PCDH15: variants seen among roughly 807,000 people sequenced by gnomAD.
PCDH15 encodes the protein protocadherin related 15.
In PCDH15, 129 loss-of-function variants were observed where a neutral mutation model predicts 178.5. The ratio of observed to expected loss-of-function variants is 0.72; its 90% CI spans 0.63 to 0.84. The LOEUF (loss-of-function observed/expected upper bound fraction) is 0.84. PCDH15 is among the 40% of genes least tolerant of loss of function. The pLI, the probability that PCDH15 is intolerant of heterozygous loss-of-function variation, is 0.00. For synonymous variants in PCDH15, 800 were observed against 732.0 expected (o/e 1.09, Z -1.50); for missense variants, 2,230 against 2,099.9 (o/e 1.06, Z -1.21).
chr10:54,142,616 G>C (rs9651346), intron 14 of PCDH15, among the ~76,000 whole-genome samples: 2,348 of 152,122 alleles, frequency 0.015, 76 homozygotes, highest in African/African-American at 0.054. Context: ...GGGTTTTCTT[G>C]GTGCATTGAT....
rs189544054 is a variant in PCDH15 at position 54,837,943 on chromosome 10, G to A, written c.-29+59507C>T. Among the ~76,000 whole-genome samples the A allele has an allele frequency of 6.3e-4, 96 of 152,180 alleles. 1 individual carries two copies. The highest frequency in any genetic ancestry group is 1.1e-3 in the Non-Finnish European group (77 of 67,984). On this transcript the variant is annotated intron_variant, in intron 3 of 5. Coordinates refer to the PCDH15 transcript ENST00000458638. ...ACTTACACACATGCTCTGGGAAACCGTCGTGTTAAACTCAGCCCTGGCTCC... is the reference window on the plus strand; with the variant it reads ...ACTTACACACATGCTCTGGGAAACCATCGTGTTAAACTCAGCCCTGGCTCC...
chr10:54,453,759 C>T (rs1313663814), intron 3 of PCDH15, among the ~76,000 whole-genome samples: 1 of 151,806 alleles, frequency 6.6e-6, no homozygotes, highest in African/African-American at 2.4e-5. Context: ...AGGAAGAAAG[C>T]AGCTACAAAC....
chr10:54,312,691 AG>A lies in PCDH15; in HGVS notation c.876+4579del, dbSNP rs559140119. ...AGCCAACAGCCAAAATCAACTTGGT[AG>A]CCATCTAAGTTAATCATTATGAAAG... is the stretch of plus-strand genomic sequence containing the variant. On this transcript the variant is annotated intron_variant, in intron 8 of 37. Coordinates refer to ENST00000644397, the MANE Select transcript of PCDH15 (RefSeq NM_001384140.1). 1.5e-3 allele frequency among the ~76,000 whole-genome samples: 223 copies of A among 152,240 alleles called. 1 individual carries two copies. Among genetic ancestry groups the A allele is most frequent in the African/African-American group, 5.2e-3 (217 of 41,568 alleles).
intron 3 of PCDH15, among the ~76,000 whole-genome samples, chr10:54,415,297 A>G (rs1483177031): frequency 6.6e-6 from 1 of 152,054 alleles, no homozygotes; most frequent in Non-Finnish European, 1.5e-5. Context: ...AAAGGTTAGT[A>G]TTACTATGAA....
intron 2 of PCDH15, among the ~76,000 whole-genome samples, chr10:54,549,983 A>AT (rs1183713774): frequency 6.6e-6 from 1 of 151,966 alleles, no homozygotes; most frequent in Non-Finnish European, 1.5e-5. Context: ...CAGGCACCAG[A>AT]TTTTATCTCC....
intron 2 of PCDH15, among the ~76,000 whole-genome samples, chr10:55,507,729 A>G (rs954752377): frequency 6.7e-6 from 1 of 149,880 alleles, no homozygotes; most frequent in African/African-American, 2.4e-5. Flanking sequence ...ATAATTTGAC[A>G]TCTTAATAAC....
chr10:54,932,788 C>A (rs7902014), intron 2 of PCDH15, among the ~76,000 whole-genome samples: 1 of 152,050 alleles, frequency 6.6e-6, no homozygotes, highest in African/African-American at 2.4e-5. Flanking sequence ...CCACCCGCCT[C>A]GGCCTCCTAA....
chr10:54,354,365 T>C (rs1348207867), intron 5 of PCDH15, among the ~76,000 whole-genome samples: 1 of 152,210 alleles, frequency 6.6e-6, no homozygotes, highest in Admixed American at 6.5e-5. Flanking sequence ...ACGTACATGC[T>C]TAAAGTAAAA....
At chr10:55,447,876 T>C (rs758604637) in intron 2 of PCDH15, among the ~76,000 whole-genome samples, 1 of 151,934 alleles carries the variant, frequency 6.6e-6, no homozygotes, top group Non-Finnish European at 1.5e-5. Flanking sequence ...GTAAGGAGTC[T>C]AAATCCTTGT....
chr10:54,627,696 T>C (rs1054512044), intron 2 of PCDH15, among the ~76,000 whole-genome samples: 26 of 152,280 alleles, frequency 1.7e-4, no homozygotes, highest in Admixed American at 1.1e-3. Context: ...ATTTTAGCAA[T>C]GTTGATGTTT....
chr10:55,347,654 T>C (rs544937882), intron 2 of PCDH15, among the ~76,000 whole-genome samples: 157 of 152,296 alleles, frequency 1.0e-3, no homozygotes, highest in African/African-American at 3.7e-3. Flanking sequence ...TTGTTATAAA[T>C]AATAGCTTCA....
At chr10:54,719,609 A>G (rs140473148) in intron 1 of PCDH15, among the ~76,000 whole-genome samples, 106 of 152,040 alleles carry the variant, frequency 7.0e-4, no homozygotes, top group African/African-American at 2.4e-3. Context: ...TGCTGCACTT[A>G]TCAACCTGTT....
intron 1 of PCDH15, among the ~76,000 whole-genome samples, chr10:55,313,796 A>C (rs1843651199): frequency 6.6e-6 from 1 of 152,170 alleles, no homozygotes; most frequent in African/African-American, 2.4e-5. Flanking sequence ...CCTGAAAAAC[A>C]TTGCTGGACC....
At position 55,307,912 on chromosome 10, in the gene PCDH15, T is replaced by C. The variant is rs542197295; in HGVS notation, c.-156+11687A>G. On this transcript the variant is annotated intron_variant, in intron 1 of 5. Coordinates refer to the PCDH15 transcript ENST00000458638. The stretch of plus-strand genomic sequence containing the variant: ...TACTAACGAGAGAGAAAAATGTTTA[T>C]AATTTGCTCTTTTTGAATAAAAATA... Among the ~76,000 whole-genome samples, 14 of 152,274 alleles carry C rather than the reference T, an allele frequency of 9.2e-5. No homozygotes were observed. The South Asian group carries it at 2.7e-3, about 29-fold the overall frequency.
chr10:55,066,146 G>T (rs1591872847), intron 2 of PCDH15, among the ~76,000 whole-genome samples: 3 of 151,162 alleles, frequency 2.0e-5, no homozygotes, highest in African/African-American at 4.9e-5. Flanking sequence ...GACGTATAAG[G>T]GTATTTTCTT....
chr10:55,620,293 C>G (rs973962837), intron 2 of PCDH15, among the ~76,000 whole-genome samples: 5 of 151,566 alleles, frequency 3.3e-5, no homozygotes, highest in African/African-American at 1.2e-4. Context: ...GAATTGTAAG[C>G]ATTCTTGAAA....
At chr10:55,404,764 G>T (rs1474969999) in intron 2 of PCDH15, among the ~76,000 whole-genome samples, 4 of 151,620 alleles carry the variant, frequency 2.6e-5, no homozygotes, top group African/African-American at 9.7e-5. Flanking sequence ...TTTAATACAA[G>T]AAGAATTTTA....
At chr10:54,187,080 C>G (rs943169314) in intron 11 of PCDH15, among the ~76,000 whole-genome samples, 9 of 151,962 alleles carry the variant, frequency 5.9e-5, no homozygotes, top group African/African-American at 2.2e-4. Flanking sequence ...ATACACTTCT[C>G]TAAATGCACC....
intron 1 of PCDH15, among the ~76,000 whole-genome samples, chr10:55,211,638 G>T (rs1051941457): frequency 2.6e-5 from 4 of 152,016 alleles, no homozygotes; most frequent in South Asian, 2.1e-4. Flanking sequence ...ATAGCATTAA[G>T]TGAAGTTATT....
Sources: gnomAD v4.1 joint callset for allele counts (sites outside exome capture counted in the v4.1 genomes callset) on GRCh38, gnomAD v4.1.1 for gene constraint, MANE v1.5 for transcripts, NCBI Gene and HGNC (gene_info 2026-07-23, HGNC 2026-07-21) for gene names.